RAB4A: variants seen among roughly 807,000 people sequenced by gnomAD.
RAB4A encodes RAB4A, member RAS oncogene family, also known as ras-related protein Rab-4A.
Under a neutral mutation model 34.5 loss-of-function variants are expected in RAB4A, and 20 were observed. That is an observed-to-expected ratio of 0.58 (90% CI 0.41 to 0.84). The LOEUF (loss-of-function observed/expected upper bound fraction) is 0.84, where lower values mean the gene tolerates loss of function less well. RAB4A is among the 40% of genes least tolerant of loss of function. The probability of loss-of-function intolerance (pLI) is 0.00; values close to 1 mark genes in which losing one functional copy is unlikely to be tolerated. For synonymous variants in RAB4A, 102 were observed against 100.0 expected, an observed-to-expected ratio of 1.02 and a Z score of -0.12; for missense variants, 228 against 274.5, an observed-to-expected ratio of 0.83 and a Z score of 1.20.
intron 1 of RAB4A, among the ~76,000 whole-genome samples, chr1:229,285,711 A>C (rs1319566849): frequency 6.6e-6 from 1 of 152,148 alleles, no homozygotes; most frequent in African/African-American, 2.4e-5. Context: ...GGTACTCCCG[A>C]GCTCCTAAGC....
At chr1:229,289,080 G>A (rs888663497) in intron 3 of RAB4A, 54 of 436,400 alleles carry the variant, frequency 1.2e-4, no homozygotes, top group Middle Eastern at 6.3e-4. Flanking sequence ...ATTATAATTC[G>A]GAGGCTGACC....
At chr1:229,278,667 T>C (rs1455930719) in intron 1 of RAB4A, among the ~76,000 whole-genome samples, 1 of 152,208 alleles carries the variant, frequency 6.6e-6, no homozygotes, top group Non-Finnish European at 1.5e-5. Flanking sequence ...TCCCCTCCTT[T>C]TCCCTTTCCA....
chr1:229,286,441 A>G (rs781633933), intron 1 of RAB4A, 45 bp from the exon 2 acceptor site: 2 of 1,171,678 alleles, frequency 1.7e-6, no homozygotes, highest in Non-Finnish European at 2.4e-6. Context: ...AGAAATTCAC[A>G]GCACTATTTT....
In RAB4A at chr1:229,288,713, T is replaced by A; in HGVS notation, c.113-16T>A. On this transcript the variant is annotated splice_polypyrimidine_tract_variant and intron_variant, in intron 2 of 7. Transcript: ENST00000366690. ...GTTCTAAAATTAAATATGCTGTTCT[T>A]GTTTTTCTTTTTTAGTCAAAGATGA... 1 of 1,305,252 alleles carries A rather than the reference T, an allele frequency of 7.7e-7. No homozygotes were observed. Among genetic ancestry groups the A allele is most frequent in the Non-Finnish European group, 1.1e-6 (1 of 915,302 alleles). The allele number at this position is 1,305,252 out of a possible 1,614,324, so 80.9% of individuals were successfully genotyped here.
intron 3 of RAB4A, among the ~76,000 whole-genome samples, 157 bp from the exon 4 acceptor site, chr1:229,295,691 A>G (rs542568422): frequency 1.3e-5 from 2 of 152,338 alleles, no homozygotes; most frequent in South Asian, 4.1e-4. Flanking sequence ...AACCCCTCAC[A>G]TGTATGTTCA....
At chr1:229,302,290 TATATATATATATATA>T (rs1657420254) in intron 6 of RAB4A, among the ~76,000 whole-genome samples, 8 of 24,548 alleles carry the variant, frequency 3.3e-4, no homozygotes, top group African/African-American at 1.3e-3. Context: ...TATATATATA[TATATATATATATATA>T]TATATTTTTT....
chr1:229,283,880 C>T (rs1047786079), intron 1 of RAB4A, among the ~76,000 whole-genome samples: 3 of 149,786 alleles, frequency 2.0e-5, no homozygotes, highest in Admixed American at 6.6e-5. Context: ...GTGCTCACTA[C>T]CACGCCTGGC....
chr1:229,287,120 C>CA (rs1656943186), intron 2 of RAB4A, among the ~76,000 whole-genome samples: 1 of 152,056 alleles, frequency 6.6e-6, no homozygotes, highest in Non-Finnish European at 1.5e-5. Context: ...GCCCTTAAAA[C>CA]AAAAAATGCT....
chr1:229,289,535 C>A (rs1369113346), intron 3 of RAB4A, among the ~76,000 whole-genome samples: 6 of 152,216 alleles, frequency 3.9e-5, no homozygotes, highest in Non-Finnish European at 5.9e-5. Context: ...TGAAGTTTGG[C>A]TGGGCACAAT....
In RAB4A at chr1:229,302,970, G is replaced by T. The variant is rs759206677; in HGVS notation, c.650G>T (p.Gly217Val). The T allele has an allele frequency of 2.5e-6, 4 of 1,613,500 alleles. No individual in the cohort carries two copies. The South Asian group carries it at 3.3e-5, about 13-fold the overall frequency. ...CAGGCCCCGAACGCTCAGGAGTGTG[G>T]TTGTTAGGAGAGCACACAGGTGGGT... ...RAQAPNAQECGC is the reference protein window; with the variant it reads ...RAQAPNAQECVC The change falls in exon 7 of 8, where the codon GGT becomes GTT. Residue 217 changes from glycine (G) to valine (V), a missense_variant. Physicochemically the swap from Gly to Val is moderately radical, Grantham distance 109. Transcript: ENST00000366690.
chr1:229,302,301 ATATATATATTT>A (rs1324750790), intron 6 of RAB4A, among the ~76,000 whole-genome samples: 72 of 40,444 alleles, frequency 1.8e-3, no homozygotes, highest in Non-Finnish European at 2.7e-3. Context: ...ATATATATAT[ATATATATATTT>A]TTTTTTTTTT....
At chr1:229,296,799 G>T (rs1657261628) in intron 4 of RAB4A, among the ~76,000 whole-genome samples, 1 of 152,338 alleles carries the variant, frequency 6.6e-6, no homozygotes, top group South Asian at 2.1e-4. Context: ...TCCTGCACTT[G>T]CCCAGGCAGT....
chr1:229,276,999 A>G (rs1656667607), intron 1 of RAB4A, among the ~76,000 whole-genome samples: 1 of 146,354 alleles, frequency 6.8e-6, no homozygotes, highest in Non-Finnish European at 1.5e-5. Flanking sequence ...TATAATATAG[A>G]TATATATAAT....
At chr1:229,289,655 A>G (rs1425273612) in intron 3 of RAB4A, among the ~76,000 whole-genome samples, 1 of 152,108 alleles carries the variant, frequency 6.6e-6, no homozygotes, top group Non-Finnish European at 1.5e-5. Flanking sequence ...TTCTCTACTA[A>G]AAATAAAAAA....
At chr1:229,291,524 T>G (rs1657085826) in intron 3 of RAB4A, among the ~76,000 whole-genome samples, 1 of 152,214 alleles carries the variant, frequency 6.6e-6, no homozygotes, top group Non-Finnish European at 1.5e-5. Flanking sequence ...GAAACAGCTC[T>G]GAAATTCAGT....
At chr1:229,284,781 C>T (rs1444756341) in intron 1 of RAB4A, among the ~76,000 whole-genome samples, 1 of 151,954 alleles carries the variant, frequency 6.6e-6, no homozygotes, top group African/African-American at 2.4e-5. Flanking sequence ...AAATTCTCAG[C>T]CATTATTTAT....
chr1:229,276,705 T>G (rs994180011), intron 1 of RAB4A, among the ~76,000 whole-genome samples: 2 of 151,520 alleles, frequency 1.3e-5, no homozygotes, highest in South Asian at 2.1e-4. Flanking sequence ...AGCTGACTTC[T>G]TAACATGGTT....
rs1452976516 is a variant in RAB4A, at chr1:229,297,616, C to G, written c.425C>G (p.Ser142Cys). ...ADREVTFLEA[S>C]RFAQENELMF... Reference sequence around the variant, plus strand: ...CGTGAAGTTACCTTCTTAGAAGCCTCCAGATTTGCTCAAGAAAATGGCAAG... The same window carrying G: ...CGTGAAGTTACCTTCTTAGAAGCCTGCAGATTTGCTCAAGAAAATGGCAAG... Residue 142 changes from serine (S) to cysteine (C), a missense_variant, in exon 5 of 8, where the codon TCC (serine) becomes TGC (cysteine). Physicochemically the swap from Ser to Cys is moderately radical, Grantham distance 112 (BLOSUM62 -1). Coordinates refer to ENST00000366690, the MANE Select transcript of RAB4A (RefSeq NM_004578.4). 6.3e-7 allele frequency: 1 copy of G among 1,593,214 alleles called. No individual in the cohort carries two copies. The highest frequency in any genetic ancestry group is 1.2e-5 in the South Asian group (1 of 86,444).
Position 229,297,543 on chromosome 1 carries a change from A to G in RAB4A, c.352A>G (p.Asn118Asp), listed in dbSNP as rs1657281290. ...LTDARMLASQNIVIILCGNKK... is the reference protein window; with the variant it reads ...LTDARMLASQDIVIILCGNKK... ...AGATGCCCGAATGCTAGCGAGCCAG[A>G]ACATTGTGATCATCCTTTGTGGAAA... Residue 118 changes from asparagine (N) to aspartate (D), a missense_variant, in exon 5 of 8, where the codon AAC becomes GAC. By Grantham distance (23) the Asn-to-Asp change is conservative. Coordinates refer to ENST00000366690, the MANE Select transcript of RAB4A (RefSeq NM_004578.4). 1.2e-6 allele frequency: 2 copies of G among 1,613,326 alleles called. No homozygotes were observed. Among genetic ancestry groups the G allele is most frequent in the Non-Finnish European group, 1.7e-6 (2 of 1,179,958 alleles).
Sources: allele counts gnomAD v4.1 joint callset (sites outside exome capture counted in the v4.1 genomes callset), GRCh38; gene constraint gnomAD v4.1.1; transcripts MANE v1.5; gene names NCBI Gene and HGNC (gene_info 2026-07-23, HGNC 2026-07-21).